HK1: variants seen among roughly 807,000 people sequenced by gnomAD.
HK1 encodes the protein hexokinase 1, also known as hexokinase-1.
Under a neutral mutation model 91.6 loss-of-function variants are expected in HK1, and 28 were observed. The ratio of observed to expected loss-of-function variants is 0.31; its 90% CI spans 0.23 to 0.42. The LOEUF (loss-of-function observed/expected upper bound fraction) is 0.42. Among genes scored for constraint, HK1 ranks in the 10% least tolerant of loss-of-function variants. The pLI is 1.00. For synonymous variants in HK1, 430 were observed against 468.1 expected, an observed-to-expected ratio of 0.92 and a Z score of 1.05; for missense variants, 770 against 1,219.8, an observed-to-expected ratio of 0.63 and a Z score of 5.49.
chr10:69,312,597 G>T (rs1159978507), upstream of HK1, among the ~76,000 whole-genome samples: 3 of 150,524 alleles, frequency 2.0e-5, no homozygotes, highest in Non-Finnish European at 4.4e-5. Context: ...TGCTAATTCT[G>T]TAATTCTGCA....
chr10:69,332,491 G>T (rs1291723387), intron 1 of HK1, among the ~76,000 whole-genome samples: 1 of 151,924 alleles, frequency 6.6e-6, no homozygotes, highest in Non-Finnish European at 1.5e-5. Flanking sequence ...CGGTTCTCAT[G>T]CCTCAGCCTC....
At chr10:69,288,833 C>A (rs12268098) in intron 3 of HK1, 2 of 1,429,980 alleles carry the variant, frequency 1.4e-6, no homozygotes, top group South Asian at 1.2e-5. Context: ...ATCGCCCAGG[C>A]TGGAGTGTAG....
intron 1 of HK1, among the ~76,000 whole-genome samples, chr10:69,278,224 C>T (rs1004225303): frequency 2.0e-5 from 3 of 152,192 alleles, no homozygotes; most frequent in African/African-American, 7.2e-5. Flanking sequence ...CCTGCCATTT[C>T]CTCTGACATC....
At chr10:69,272,524 A>G (rs1844219644) in intron 1 of HK1, among the ~76,000 whole-genome samples, 1 of 152,220 alleles carries the variant, frequency 6.6e-6, no homozygotes, top group Non-Finnish European at 1.5e-5. Flanking sequence ...TTTTTTAAGA[A>G]TACACAATAC....
At chr10:69,315,453 G>C (rs1846586960), upstream of HK1, among the ~76,000 whole-genome samples, 1 of 152,188 alleles carries the variant, frequency 6.6e-6, no homozygotes, top group Non-Finnish European at 1.5e-5. Flanking sequence ...TAAATGAGTA[G>C]AGAGAGTTCA....
upstream of HK1, among the ~76,000 whole-genome samples, chr10:69,317,619 A>C (rs2132557440): frequency 6.6e-6 from 1 of 152,260 alleles, no homozygotes; most frequent in East Asian, 1.9e-4. Flanking sequence ...ATTTAGGCAG[A>C]GGGGCTCTAT....
intron 1 of HK1, among the ~76,000 whole-genome samples, chr10:69,337,038 C>T (rs1848029577): frequency 6.6e-6 from 1 of 152,126 alleles, no homozygotes; most frequent in African/African-American, 2.4e-5. Context: ...ACACTTGATG[C>T]TTACTTTGTT....
chr10:69,343,051 G>T (rs1461693959), intron 1 of HK1, among the ~76,000 whole-genome samples: 1 of 152,170 alleles, frequency 6.6e-6, no homozygotes, highest in African/African-American at 2.4e-5. Context: ...GAGGTGCAGG[G>T]CCCATGGCCT....
chr10:69,343,191 C>T (rs1458354410), intron 1 of HK1, among the ~76,000 whole-genome samples: 2 of 152,194 alleles, frequency 1.3e-5, no homozygotes, highest in Non-Finnish European at 2.9e-5. Flanking sequence ...CTTTGGCCGC[C>T]ATTTCTGTCT....
At chr10:69,385,038 G>A in intron 12 of HK1, 123 bp downstream of exon 12, 1 of 1,087,782 alleles carries the variant, frequency 9.2e-7, no homozygotes, top group Admixed American at 1.7e-5. Context: ...CACAGTCACA[G>A]TGGGTTGAGC....
At chr10:69,341,027 G>T (rs868249298) in intron 1 of HK1, among the ~76,000 whole-genome samples, 2 of 152,068 alleles carry the variant, frequency 1.3e-5, no homozygotes, top group Non-Finnish European at 2.9e-5. Context: ...GTCTCTCCCT[G>T]CAGACCCAGG....
Position 69,276,118 on chromosome 10 carries a change from A to AAAAAAAATATATATAT in HK1, c.-391+6011_-391+6012insAAAAAATATATATATA. ...AAAAAAAAAAAAAAAAAAAAAAAAA[A>AAAAAAAATATATATAT]ATACATATATATATATATATACACA... On this transcript the variant is annotated intron_variant, in intron 1 of 21. Coordinates refer to the HK1 transcript ENST00000360289. Among the ~76,000 whole-genome samples the AAAAAAAATATATATAT allele has an allele frequency of 5.5e-4, 21 of 38,270 alleles. 2 individuals carry two copies. Among genetic ancestry groups the AAAAAAAATATATATAT allele is most frequent in the Admixed American group, 1.1e-3 (2 of 1,798 alleles). 25.1% of individuals were successfully genotyped at this position (38,270 alleles called of 152,430 possible). A position where few individuals can be genotyped will look rare whatever the true frequency, so the allele number is the denominator to read the frequency against.
chr10:69,356,518 T>C (rs1357090215), intron 2 of HK1, among the ~76,000 whole-genome samples: 1 of 151,958 alleles, frequency 6.6e-6, no homozygotes, highest in Non-Finnish European at 1.5e-5. Flanking sequence ...TGGGAGAAAA[T>C]ATTTGCCAGT....
intron 1 of HK1, among the ~76,000 whole-genome samples, chr10:69,341,750 C>G (rs138466489): frequency 1.3e-3 from 201 of 152,128 alleles, no homozygotes; most frequent in Non-Finnish European, 2.4e-3. Context: ...GCCACCATGC[C>G]TGGCCTCTTC....
intron 1 of HK1, among the ~76,000 whole-genome samples, chr10:69,275,118 C>T (rs888557907): frequency 2.6e-5 from 4 of 151,768 alleles, no homozygotes; most frequent in African/African-American, 7.3e-5. Flanking sequence ...TGGTCTACTG[C>T]TCCCCTCTTA....
At position 69,309,302 on chromosome 10, in the gene HK1, C is replaced by T. The variant is rs183902224; in HGVS notation, c.27+8441C>T. ...GTTCACGCCATTCTCCTGCCTCAGC[C>T]TCCCCAGTAGCTGGAACTACAGGCA... On this transcript the variant is annotated intron_variant, in intron 5 of 21. Coordinates refer to the HK1 transcript ENST00000360289. Among the ~76,000 whole-genome samples the T allele has an allele frequency of 1.3e-3, 196 of 150,994 alleles. 1 individual carries two copies. The highest frequency in any genetic ancestry group is 4.6e-3 in the African/African-American group (188 of 41,242).
At chr10:69,350,066 C>T (rs1340987987) in intron 2 of HK1, among the ~76,000 whole-genome samples, 1 of 152,198 alleles carries the variant, frequency 6.6e-6, no homozygotes, top group South Asian at 2.1e-4. Context: ...TGACCCCTCC[C>T]CTTATAGCCA....
intron 2 of HK1, among the ~76,000 whole-genome samples, 159 bp downstream of exon 2, chr10:69,344,148 G>GATCCATCC (rs533592990): frequency 1.3e-5 from 2 of 151,758 alleles, no homozygotes; most frequent in Non-Finnish European, 2.9e-5. Flanking sequence ...TCCATCTGCT[G>GATCCATCC]ATCCATCCAT....
At position 69,319,019 on chromosome 10, in the gene HK1, C is replaced by T. The variant is rs767903596; in HGVS notation, c.63+9C>T. ...ATGACCAGGTCAAAAAGGTGAGCCC[C>T]CGCCCGCGCCGCCGCTGGTCCTGGC... On this transcript the variant is annotated intron_variant, in intron 1 of 17. Transcript: ENST00000359426. The T allele has an allele frequency of 1.3e-6, 2 of 1,592,760 alleles. No individual in the cohort carries two copies. Among genetic ancestry groups the T allele is most frequent in the Non-Finnish European group, 1.7e-6 (2 of 1,170,500 alleles).
Sources: gnomAD v4.1 joint callset for allele counts (sites outside exome capture counted in the v4.1 genomes callset) on GRCh38, gnomAD v4.1.1 for gene constraint, MANE v1.5 for transcripts, NCBI Gene and HGNC (gene_info 2026-07-23, HGNC 2026-07-21) for gene names.